Variants in LDHB observed in about 807,000 individuals in gnomAD.
LDHB encodes lactate dehydrogenase B, also known as L-lactate dehydrogenase B chain.
LDHB carries 18 observed loss-of-function variants against 33.4 expected under a neutral mutation model. The observed-to-expected ratio is 0.54, with a 90% confidence interval of 0.37 to 0.80. The LOEUF (loss-of-function observed/expected upper bound fraction) is 0.80. LDHB is among the 30% of genes least tolerant of loss of function. The pLI, the probability that LDHB is intolerant of heterozygous loss-of-function variation, is 0.00. For missense variants in LDHB, 345 were observed against 407.9 expected, an observed-to-expected ratio of 0.85 and a Z score of 1.33; for synonymous variants, 121 against 140.6, an observed-to-expected ratio of 0.86 and a Z score of 0.98.
At chr12:21,636,953 T>G (rs973285427) in intron 7 of LDHB, 118 bp downstream of exon 7, 11 of 927,834 alleles carry the variant, frequency 1.2e-5, no homozygotes, top group Non-Finnish European at 1.9e-5. Context: ...ACATAAAACT[T>G]TGAGAGACAG....
chr12:21,651,620 G>T (rs1190463497), intron 2 of LDHB, among the ~76,000 whole-genome samples: 1 of 146,214 alleles, frequency 6.8e-6, no homozygotes, highest in Non-Finnish European at 1.5e-5. Flanking sequence ...GTTGATTTCA[G>T]CCATATGATA....
chr12:21,646,512 C>T (rs1328273185), intron 3 of LDHB, among the ~76,000 whole-genome samples: 1 of 152,090 alleles, frequency 6.6e-6, no homozygotes, highest in African/African-American at 2.4e-5. Flanking sequence ...ATAAGCCAAA[C>T]AATGCGATAA....
chr12:21,654,985 G>C (rs1426087069), intron 1 of LDHB, among the ~76,000 whole-genome samples: 1 of 152,126 alleles, frequency 6.6e-6, no homozygotes, highest in Non-Finnish European at 1.5e-5. Flanking sequence ...GCTGGGCATG[G>C]TGGTGCAAGC....
chr12:21,648,671 A>G (rs540863351), intron 2 of LDHB, among the ~76,000 whole-genome samples: 1 of 152,280 alleles, frequency 6.6e-6, no homozygotes, highest in African/African-American at 2.4e-5. Context: ...GACAGTCAAT[A>G]AGAAAAGTTG....
intron 2 of LDHB, among the ~76,000 whole-genome samples, chr12:21,648,033 GAAA>G (rs1938576541): frequency 5.8e-5 from 1 of 17,182 alleles, no homozygotes; most frequent in Non-Finnish European, 5.8e-4. Context: ...AAAAGTGAAA[GAAA>G]GGAAAAAAAA....
intron 7 of LDHB, among the ~76,000 whole-genome samples, chr12:21,636,365 A>G (rs1938217022): frequency 6.6e-6 from 1 of 151,814 alleles, no homozygotes; most frequent in Non-Finnish European, 1.5e-5. Context: ...AAAAAAATAC[A>G]ATTTCCAAAA....
intron 6 of LDHB, 105 bp downstream of exon 6, chr12:21,638,248 A>AC: frequency 1.3e-6 from 1 of 742,980 alleles, no homozygotes; most frequent in Non-Finnish European, 2.4e-6. Context: ...CTGCATAATT[A>AC]CTACATTAAG....
chr12:21,635,777 G>T, intron 7 of LDHB, 68 bp from the exon 8 acceptor site: 1 of 1,433,186 alleles, frequency 7.0e-7, no homozygotes, highest in Non-Finnish European at 9.7e-7. Flanking sequence ...AAGACAGGAG[G>T]CTGAGGTGGG....
intron 3 of LDHB, among the ~76,000 whole-genome samples, chr12:21,645,736 T>C (rs967159805): frequency 6.6e-6 from 1 of 152,142 alleles, no homozygotes; most frequent in Non-Finnish European, 1.5e-5. Context: ...CTCTCCGAGA[T>C]ACGCCCGATA....
Position 21,654,572 on chromosome 12 carries a change from T to C in LDHB, c.100A>G (p.Met34Val), listed in dbSNP as rs201820178. The C allele has an allele frequency of 1.2e-6, 2 of 1,614,188 alleles. No homozygotes were observed. The highest frequency in any genetic ancestry group is 1.1e-5 in the South Asian group (1 of 91,084). Residue 34 changes from methionine to valine, a missense_variant, in exon 2 of 8, where the codon ATG (methionine) becomes GTG (valine). Met to Val is a conservative substitution (Grantham distance 21, BLOSUM62 1). Transcript: ENST00000350669. ...ITVVGVGQVGMACAISILGKS... is the reference protein window; with the variant it reads ...ITVVGVGQVGVACAISILGKS... The stretch of plus-strand genomic sequence containing the variant: ...CCCAGAATGCTGATAGCACACGCCA[T>C]ACCAACTTGTCCAACACCCACTACA...
chr12:21,655,729 G>A (rs561559261), intron 1 of LDHB, among the ~76,000 whole-genome samples: 1 of 151,564 alleles, frequency 6.6e-6, no homozygotes, highest in African/African-American at 2.4e-5. Flanking sequence ...CCCCTAAAAT[G>A]TAAAAAAAAA....
chr12:21,654,768 A>G, intron 1 of LDHB, 91 bp from the exon 2 acceptor site: 1 of 1,041,912 alleles, frequency 9.6e-7, no homozygotes. Context: ...GCAATTTCGA[A>G]CTGAAGTACA....
chr12:21,655,143 C>A (rs2136985393), intron 1 of LDHB, among the ~76,000 whole-genome samples: 1 of 152,170 alleles, frequency 6.6e-6, no homozygotes, highest in African/African-American at 2.4e-5. Flanking sequence ...AAAAAAAGAA[C>A]CATGAGACCC....
At chr12:21,650,795 C>T (rs1048971502) in intron 2 of LDHB, among the ~76,000 whole-genome samples, 1 of 152,178 alleles carries the variant, frequency 6.6e-6, no homozygotes, top group Non-Finnish European at 1.5e-5. Context: ...TATCCTCCTA[C>T]TCAGGTATAC....
At chr12:21,657,377 C>A (rs553299046) in intron 1 of LDHB, 1 of 152,320 alleles carries the variant, frequency 6.6e-6, no homozygotes, top group Non-Finnish European at 1.5e-5. Context: ...TCATAGGCCA[C>A]CTGGTTCCGT....
At chr12:21,656,920 C>T (rs1447808392) in intron 1 of LDHB, 1 of 152,128 alleles carries the variant, frequency 6.6e-6, no homozygotes, top group Non-Finnish European at 1.5e-5. Context: ...TCTTTCTCAC[C>T]GTAATCTTTT....
At chr12:21,655,918 T>C (rs1938831325) in intron 1 of LDHB, among the ~76,000 whole-genome samples, 1 of 152,238 alleles carries the variant, frequency 6.6e-6, no homozygotes, top group East Asian at 1.9e-4. Context: ...CCTGTCTTCT[T>C]GAACAGAGAA....
At chr12:21,644,134 T>C (rs765013421) in intron 3 of LDHB, 26 bp from the exon 4 acceptor site, 7 of 1,519,836 alleles carry the variant, frequency 4.6e-6, no homozygotes, top group Non-Finnish European at 6.4e-6. Flanking sequence ...CAAAAACAGG[T>C]ACTTTAAATG....
chr12:21,646,169 G>A (rs1028849802), intron 3 of LDHB, among the ~76,000 whole-genome samples: 2 of 152,206 alleles, frequency 1.3e-5, no homozygotes, highest in African/African-American at 4.8e-5. Flanking sequence ...ACTGAGGGAG[G>A]AGAGGAGAAT....
Sources: allele counts gnomAD v4.1 joint callset (sites outside exome capture counted in the v4.1 genomes callset), GRCh38; gene constraint gnomAD v4.1.1; transcripts MANE v1.5; gene names NCBI Gene and HGNC (gene_info 2026-07-23, HGNC 2026-07-21).